LMLN: variants seen among roughly 807,000 people sequenced by gnomAD.
The protein encoded by LMLN is leishmanolysin-like peptidase.
A neutral mutation model predicts 92.3 loss-of-function variants in LMLN; 70 were observed. The ratio of observed to expected loss-of-function variants is 0.76; its 90% CI spans 0.63 to 0.92. The LOEUF (loss-of-function observed/expected upper bound fraction) is 0.92, where lower values mean the gene tolerates loss of function less well. LMLN is among the 40% of genes least tolerant of loss of function. The probability of loss-of-function intolerance (pLI) is 0.00; values close to 1 mark genes in which losing one functional copy is unlikely to be tolerated. For missense variants in LMLN, 691 were observed against 814.6 expected (o/e 0.85, Z 1.85); for synonymous variants, 308 against 296.2 (o/e 1.04, Z -0.41).
chr3:197,996,241 G>A, exon 10 of LMLN: 3 of 1,605,744 alleles, frequency 1.9e-6, no homozygotes, highest in Middle Eastern at 1.7e-4. Context: ...TCAAGGTGGT[G>A]TGGGCACTGA....
intron 13 of LMLN, among the ~76,000 whole-genome samples, chr3:198,023,337 C>T (rs1347562834): frequency 6.6e-6 from 1 of 152,074 alleles, no homozygotes; most frequent in African/African-American, 2.4e-5. Context: ...TACAGGCATG[C>T]ACCTCCACAC....
At chr3:198,015,296 C>G (rs1351218962) in intron 11 of LMLN, among the ~76,000 whole-genome samples, 11 of 62,532 alleles carry the variant, frequency 1.8e-4, no homozygotes, top group African/African-American at 2.5e-4. Flanking sequence ...AGCCCCCTAA[C>G]TAGTCTGACT....
In LMLN at chr3:197,996,195, T is replaced by C. The variant is rs754410629; in HGVS notation, c.1068T>C (p.Phe356=). Residue 356 remains phenylalanine, a synonymous_variant, in exon 10 of 16, where the codon TTT becomes TTC. Coordinates refer to ENST00000330198, the Ensembl canonical transcript of LMLN. ...CTTAGGAGGAAGCACGAAAACATTT[T>C]GATTGTCCAGTTCTAGAGGGAATGG... 2.9e-5 allele frequency: 46 copies of C among 1,576,048 alleles called. No homozygotes were observed. Among genetic ancestry groups the C allele is most frequent in the Non-Finnish European group, 4.0e-5 (46 of 1,164,310 alleles).
At chr3:198,024,913 T>A in intron 14 of LMLN, 125 bp downstream of exon 15, 1 of 655,492 alleles carries the variant, frequency 1.5e-6, no homozygotes, top group Non-Finnish European at 2.3e-6. Flanking sequence ...CTGTATCTTG[T>A]TTATGTAAAT....
At chr3:197,987,269 T>C (rs111402828) in intron 8 of LMLN, among the ~76,000 whole-genome samples, 9,777 of 149,742 alleles carry the variant, frequency 0.065, 368 homozygotes, top group African/African-American at 0.1. Context: ...ACGCCATTCT[T>C]CTGCCTCAGC....
Position 198,019,477 on chromosome 3 carries a change from AT to A in LMLN, c.1365+95del. On this transcript the variant is annotated intron_variant, in intron 12 of 15. Coordinates refer to ENST00000330198, the Ensembl canonical transcript of LMLN. The surrounding 1 kb of genome is among the most constrained non-coding windows in gnomAD (Gnocchi z 5.5). ...AGAGTAAATTCTCTTAAGATTCTTA[AT>A]TTATAAGGCCTTGTTTGTTTTCTGT... 1.6e-6 allele frequency: 2 copies of A among 1,249,850 alleles called. No homozygotes were observed. The highest frequency in any genetic ancestry group is 2.2e-6 in the Non-Finnish European group (2 of 917,850). 77.4% of individuals were successfully genotyped at this position (1,249,850 alleles called of 1,614,324 possible). A position where few individuals can be genotyped will look rare whatever the true frequency, so the allele number is the denominator to read the frequency against.
chr3:198,012,527 G>A (rs1157316784), intron 11 of LMLN, among the ~76,000 whole-genome samples: 7 of 152,074 alleles, frequency 4.6e-5, no homozygotes, highest in Non-Finnish European at 7.4e-5. Flanking sequence ...TAACTAGTCT[G>A]ACTTCTCTCC....
At chr3:198,018,195 A>C (rs1260819518) in intron 11 of LMLN, among the ~76,000 whole-genome samples, 3 of 152,208 alleles carry the variant, frequency 2.0e-5, no homozygotes, top group Non-Finnish European at 1.5e-5. Flanking sequence ...TTAGACAAAA[A>C]ACAGAAATGA....
chr3:197,982,994 A>G (rs1011453929), intron 6 of LMLN, among the ~76,000 whole-genome samples: 6 of 152,210 alleles, frequency 3.9e-5, no homozygotes, highest in Non-Finnish European at 5.9e-5. Context: ...TTTTCTTCCA[A>G]GTGCTGCAGG....
chr3:198,001,760 G>A (rs991303396), intron 11 of LMLN, among the ~76,000 whole-genome samples: 1 of 152,086 alleles, frequency 6.6e-6, no homozygotes, highest in Non-Finnish European at 1.5e-5. Flanking sequence ...GTAGCAAGGT[G>A]GTACAAGTGG....
intron 1 of LMLN, among the ~76,000 whole-genome samples, chr3:197,967,657 G>A (rs1276606209): frequency 6.6e-6 from 1 of 152,140 alleles, no homozygotes; most frequent in Non-Finnish European, 1.5e-5. Context: ...AGAAAACAGG[G>A]TTTGAGAGCA....
chr3:197,975,937 T>C, intron 3 of LMLN, 92 bp from the exon 4 acceptor site: 2 of 760,758 alleles, frequency 2.6e-6, no homozygotes, highest in Non-Finnish European at 4.2e-6. Flanking sequence ...TTATAAAGCT[T>C]TTTTTCATTA....
chr3:198,037,214 G>A (rs1723257886), intron 15 of LMLN, among the ~76,000 whole-genome samples: 1 of 152,194 alleles, frequency 6.6e-6, no homozygotes, highest in African/African-American at 2.4e-5. Flanking sequence ...ATGGGAAGAG[G>A]TGCGTGGGGC....
intron 15 of LMLN, among the ~76,000 whole-genome samples, chr3:198,036,674 A>G (rs1036067188): frequency 6.6e-6 from 1 of 152,182 alleles, no homozygotes; most frequent in African/African-American, 2.4e-5. Flanking sequence ...GGGAATGCAG[A>G]AAACACCCTT....
intron 9 of LMLN, among the ~76,000 whole-genome samples, chr3:197,993,785 C>G (rs1721943767): frequency 6.6e-6 from 1 of 151,860 alleles, no homozygotes; most frequent in African/African-American, 2.4e-5. Context: ...AAAAAATAGC[C>G]AAAACAATCA....
chr3:198,035,590 T>C (rs1723197345), intron 14 of LMLN, among the ~76,000 whole-genome samples: 1 of 151,942 alleles, frequency 6.6e-6, no homozygotes, highest in South Asian at 2.1e-4. Flanking sequence ...CTCGATCTCT[T>C]GACCTCATGA....
intron 8 of LMLN, 142 bp downstream of exon 8, chr3:197,986,032 G>A: frequency 1.7e-6 from 1 of 587,716 alleles, no homozygotes; most frequent in Non-Finnish European, 3.0e-6. Context: ...AAAACAAAAT[G>A]GGATATAAGA....
At chr3:197,965,168 C>G (rs1418780899) in intron 1 of LMLN, among the ~76,000 whole-genome samples, 1 of 152,116 alleles carries the variant, frequency 6.6e-6, no homozygotes, top group Non-Finnish European at 1.5e-5. Flanking sequence ...CCACATGCCA[C>G]CACACCTGGC....
chr3:198,022,084 CCT>C (rs1156956188), intron 13 of LMLN, among the ~76,000 whole-genome samples: 1 of 152,178 alleles, frequency 6.6e-6, no homozygotes, highest in African/African-American at 2.4e-5. Context: ...CCAATGCCAT[CCT>C]CTTTTTATTA....
Sources: allele counts gnomAD v4.1 joint callset (sites outside exome capture counted in the v4.1 genomes callset), GRCh38; gene constraint gnomAD v4.1.1; non-coding constraint Gnocchi (gnomAD v3.1); transcripts MANE v1.5; gene names NCBI Gene and HGNC (gene_info 2026-07-23, HGNC 2026-07-21).